RANBP17: variants seen among roughly 807,000 people sequenced by gnomAD.
RANBP17 encodes the protein ran-binding protein 17.
In RANBP17, 158 loss-of-function variants were observed where a neutral mutation model predicts 141.2. That is an observed-to-expected ratio of 1.12 (90% CI 0.98 to 1.28). The LOEUF is 1.28. RANBP17 is among the 50% of genes most tolerant of loss of function. The pLI is 0.00. For synonymous variants in RANBP17, 430 were observed against 450.0 expected, an observed-to-expected ratio of 0.96 and a Z score of 0.56; for missense variants, 1,438 against 1,290.7, an observed-to-expected ratio of 1.11 and a Z score of -1.75.
At chr5:171,144,032 C>A (rs1277842099) in intron 14 of RANBP17, among the ~76,000 whole-genome samples, 1 of 152,044 alleles carries the variant, frequency 6.6e-6, no homozygotes, top group Non-Finnish European at 1.5e-5. Flanking sequence ...AAAGATCCTC[C>A]ACAGCAAGCT....
intron 20 of RANBP17, among the ~76,000 whole-genome samples, chr5:171,211,872 T>A (rs1252722692): frequency 6.6e-6 from 1 of 152,158 alleles, no homozygotes; most frequent in Admixed American, 6.5e-5. Flanking sequence ...TTTCTAAAGC[T>A]CCCAAGTGAA....
At chr5:171,153,720 G>A (rs1758648865) in intron 14 of RANBP17, among the ~76,000 whole-genome samples, 1 of 152,154 alleles carries the variant, frequency 6.6e-6, no homozygotes, top group African/African-American at 2.4e-5. Context: ...GAGAACAGAA[G>A]TGTTCAGCTT....
At chr5:170,886,640 A>T (rs2339170) in intron 3 of RANBP17, among the ~76,000 whole-genome samples, 1 of 143,758 alleles carries the variant, frequency 7.0e-6, no homozygotes, top group African/African-American at 2.6e-5. Context: ...TACACCATTC[A>T]TTTGAGGTGC....
Position 170,916,173 on chromosome 5 carries a change from T to A in RANBP17, c.835-292T>A, listed in dbSNP as rs896923010. On this transcript the variant is annotated intron_variant, in intron 8 of 27. Coordinates refer to ENST00000523189, the MANE Select transcript of RANBP17 (RefSeq NM_022897.5). ...GCATTATAATGCGTTATATTCTATATTGCATTATAATGCGTTATATTCTAT... is the reference window on the plus strand; with the variant it reads ...GCATTATAATGCGTTATATTCTATAATGCATTATAATGCGTTATATTCTAT... 2.6e-4 allele frequency among the ~76,000 whole-genome samples: 22 copies of A among 85,782 alleles called. 2 individuals are homozygous for A. Among genetic ancestry groups the A allele is most frequent in the African/African-American group, 6.6e-4 (19 of 28,674 alleles). 56.3% of individuals were successfully genotyped at this position (85,782 alleles called of 152,430 possible).
chr5:170,952,826 C>A (rs1323436218), intron 12 of RANBP17, among the ~76,000 whole-genome samples: 3 of 151,962 alleles, frequency 2.0e-5, no homozygotes, highest in African/African-American at 7.2e-5. Context: ...ACTGAAGGAT[C>A]ACCTAGATCA....
chr5:171,228,388 C>T (rs1764004070), intron 22 of RANBP17, among the ~76,000 whole-genome samples: 1 of 152,164 alleles, frequency 6.6e-6, no homozygotes, highest in Non-Finnish European at 1.5e-5. Context: ...GAAGTGGAGA[C>T]TGAAGATGTG....
At chr5:171,004,998 C>T (rs1172514049) in intron 14 of RANBP17, among the ~76,000 whole-genome samples, 2 of 152,078 alleles carry the variant, frequency 1.3e-5, no homozygotes, top group African/African-American at 4.8e-5. Context: ...TGTCTGGCTA[C>T]CCCCTCTCTA....
At position 171,108,405 on chromosome 5, in the gene RANBP17, A is replaced by G. The variant is rs536396757; in HGVS notation, c.1711-61725A>G. On this transcript the variant is annotated intron_variant, in intron 14 of 27. Coordinates refer to ENST00000523189, the MANE Select transcript of RANBP17 (RefSeq NM_022897.5). ...AAAAAATTAAAGTTCAAGTGAAATC[A>G]TGTATTTTATTTATTTATTTATTTT... is the stretch of plus-strand genomic sequence containing the variant. Among the ~76,000 whole-genome samples, 14 of 152,156 alleles carry G rather than the reference A, an allele frequency of 9.2e-5. No homozygotes were observed. The East Asian group carries it at 2.5e-3, about 27-fold the overall frequency.
At chr5:170,894,179 G>T (rs571108172) in intron 4 of RANBP17, among the ~76,000 whole-genome samples, 8 of 152,268 alleles carry the variant, frequency 5.3e-5, no homozygotes, top group African/African-American at 1.9e-4. Flanking sequence ...CTTCAGAGTT[G>T]CATTTGTAAG....
At chr5:170,966,573 C>T (rs1313331556) in intron 13 of RANBP17, among the ~76,000 whole-genome samples, 1 of 151,914 alleles carries the variant, frequency 6.6e-6, no homozygotes, top group East Asian at 1.9e-4. Context: ...TATGACAAAC[C>T]CACAGCCAAT....
At chr5:170,928,947 T>G (rs557671503) in intron 12 of RANBP17, among the ~76,000 whole-genome samples, 48 of 152,012 alleles carry the variant, frequency 3.2e-4, no homozygotes, top group Non-Finnish European at 5.4e-4. Flanking sequence ...TCATGAACAT[T>G]TAGTTTTCTT....
chr5:171,028,939 A>G, intron 14 of RANBP17: 26 of 1,288,600 alleles, frequency 2.0e-5, no homozygotes, highest in Non-Finnish European at 2.6e-5. Flanking sequence ...CTTCCTTGAG[A>G]ACGATCTGAT....
At chr5:171,015,289 A>G (rs1780349886) in intron 14 of RANBP17, among the ~76,000 whole-genome samples, 1 of 152,098 alleles carries the variant, frequency 6.6e-6, no homozygotes. Flanking sequence ...GCAGTTACGC[A>G]TTTATTAGAC....
At chr5:171,058,589 CTT>C (rs1180537429) in intron 14 of RANBP17, among the ~76,000 whole-genome samples, 1 of 151,158 alleles carries the variant, frequency 6.6e-6, no homozygotes, top group Non-Finnish European at 1.5e-5. Context: ...GGTTCCAAGT[CTT>C]TGCTATTTTG....
intron 14 of RANBP17, among the ~76,000 whole-genome samples, chr5:171,016,676 G>A (rs1014801635): frequency 3.3e-5 from 5 of 151,568 alleles, no homozygotes; most frequent in Admixed American, 3.3e-4. Context: ...TGTTCTTTTT[G>A]AGTATTTTTT....
At chr5:171,277,637 G>GTGTGTGTA (rs1437482589) in intron 25 of RANBP17, among the ~76,000 whole-genome samples, 5 of 56,904 alleles carry the variant, frequency 8.8e-5, no homozygotes, top group African/African-American at 2.9e-4. Flanking sequence ...ATATATGTAT[G>GTGTGTGTA]TATATATATA....
chr5:171,002,473 G>A (rs924536464), intron 14 of RANBP17, among the ~76,000 whole-genome samples: 1 of 152,148 alleles, frequency 6.6e-6, no homozygotes, highest in African/African-American at 2.4e-5. Flanking sequence ...CTTGAGAAGA[G>A]TTTTTATTAA....
chr5:171,151,432 T>G (rs539401755), intron 14 of RANBP17, among the ~76,000 whole-genome samples: 1 of 152,278 alleles, frequency 6.6e-6, no homozygotes, highest in South Asian at 2.1e-4. Context: ...ATATGTTAAT[T>G]TCAGGGAAAA....
At chr5:171,135,799 A>G (rs1757236162) in intron 14 of RANBP17, among the ~76,000 whole-genome samples, 1 of 152,224 alleles carries the variant, frequency 6.6e-6, no homozygotes, top group Non-Finnish European at 1.5e-5. Flanking sequence ...GGATTGGGAA[A>G]GAAGTCCTAG....
Sources: allele counts gnomAD v4.1 joint callset (sites outside exome capture counted in the v4.1 genomes callset), GRCh38; gene constraint gnomAD v4.1.1; transcripts MANE v1.5; gene names NCBI Gene and HGNC (gene_info 2026-07-23, HGNC 2026-07-21).